GOLGA8B: variants seen among roughly 807,000 people sequenced by gnomAD.
GOLGA8B encodes the protein golgin subfamily A member 8B.
In GOLGA8B, 1 loss-of-function variant was observed where a neutral mutation model predicts 15.6. The observed-to-expected ratio is 0.06, with a 90% CI of 0.02 to 0.30. The LOEUF (loss-of-function observed/expected upper bound fraction) is 0.30, where lower values mean the gene tolerates loss of function less well. GOLGA8B is among the 10% of genes least tolerant of loss of function. The pLI, the probability that GOLGA8B is intolerant of heterozygous loss-of-function variation, is 1.00. For synonymous variants in GOLGA8B, 9 were observed against 80.3 expected, an observed-to-expected ratio of 0.11 and a Z score of 4.75; for missense variants, 17 against 201.3, an observed-to-expected ratio of 0.08 and a Z score of 5.54.
rs200346560 is a variant in GOLGA8B, at chr15:34,527,806, G to A, written c.1638C>T (p.Ser546=). The change falls in exon 24 of 24, where the codon AGC becomes AGT. Residue 546 remains serine (S), a synonymous_variant. Transcript: ENST00000683415. ...GDLCEASLTN[S]VEPAQGEARE... ...TGGCTTCTCCTTGTGCAGGCTCCACGCTGTTGGTGAGGCTCGCCTCACAAA... is the reference window on the plus strand; with the variant it reads ...TGGCTTCTCCTTGTGCAGGCTCCACACTGTTGGTGAGGCTCGCCTCACAAA... 8.2e-4 allele frequency: 1,274 copies of A among 1,561,990 alleles called. 27 individuals are homozygous for A. The African/African-American group carries it at 0.018, about 22-fold the overall frequency.
chr15:34,576,505 C>T (rs1459841121), intron 1 of GOLGA8B, among the ~76,000 whole-genome samples: 1 of 152,222 alleles, frequency 6.6e-6, no homozygotes, highest in Non-Finnish European at 1.5e-5. Context: ...ATCCCACCTG[C>T]AAAACGATGA....
intron 1 of GOLGA8B, among the ~76,000 whole-genome samples, chr15:34,563,912 T>C (rs970411546): frequency 1.4e-5 from 2 of 142,376 alleles, no homozygotes; most frequent in Admixed American, 1.4e-4. Flanking sequence ...AATAAGATTA[T>C]AGTTTTGTTT....
At chr15:34,566,592 T>C (rs1187871268) in intron 1 of GOLGA8B, 1 of 144,120 alleles carries the variant, frequency 6.9e-6, no homozygotes, top group Non-Finnish European at 1.6e-5. Context: ...GCAGGGAAGA[T>C]GGCCCAAGCC....
chr15:34,570,632 G>A (rs1250864853), intron 1 of GOLGA8B, among the ~76,000 whole-genome samples: 1 of 125,806 alleles, frequency 7.9e-6, no homozygotes, highest in African/African-American at 2.8e-5. Context: ...AAGAAAGGTC[G>A]ACGATGGCAA....
chr15:34,575,225 G>A (rs1482884074), intron 1 of GOLGA8B, among the ~76,000 whole-genome samples: 1 of 151,680 alleles, frequency 6.6e-6, no homozygotes, highest in Non-Finnish European at 1.5e-5. Context: ...TCCACATGAC[G>A]CTGGCGGTGC....
In GOLGA8B at chr15:34,526,677, C is replaced by T. The variant is rs1888063783; in HGVS notation, c.*955G>A. 1 of 149,308 alleles carries T rather than the reference C, an allele frequency of 6.7e-6. No homozygotes were observed. The allele number at this position is 149,308 out of a possible 1,614,324, so 9.2% of individuals were successfully genotyped here. A position where few individuals can be genotyped will look rare whatever the true frequency, so the allele number is the denominator to read the frequency against. ...ACCAGCGCCCTTTCGTGTACTGGGA[C>T]AGGTAGTCATGTGATTAAAACAGGG... On this transcript the variant is annotated 3_prime_UTR_variant, in exon 24 of 24. Transcript: ENST00000683415.
intron 1 of GOLGA8B, among the ~76,000 whole-genome samples, chr15:34,571,448 C>G (rs201270407): frequency 6.6e-6 from 1 of 151,528 alleles, no homozygotes; most frequent in Non-Finnish European, 1.5e-5. Flanking sequence ...CAAAAGCCAC[C>G]GTAACTTACA....
chr15:34,579,542 A>G (rs4924042), intron 1 of GOLGA8B, among the ~76,000 whole-genome samples: 2,564 of 152,204 alleles, frequency 0.017, 28 homozygotes, highest in Non-Finnish European at 0.026. Context: ...TCAGTGCACA[A>G]TAAGAAAGCT....
In GOLGA8B at chr15:34,526,289, G is replaced by A. The variant is rs1303137759; in HGVS notation, c.*1343C>T. 6.7e-6 allele frequency: 1 copy of A among 149,750 alleles called. No homozygotes were observed. Among genetic ancestry groups the A allele is most frequent in the Admixed American group, 6.8e-5 (1 of 14,756 alleles). The allele number at this position is 149,750 out of a possible 1,614,324, so 9.3% of individuals were successfully genotyped here. A position where few individuals can be genotyped will look rare whatever the true frequency, so the allele number is the denominator to read the frequency against. On this transcript the variant is annotated 3_prime_UTR_variant, in exon 24 of 24. Coordinates refer to ENST00000683415, the MANE Select transcript of GOLGA8B (RefSeq NM_001023567.5). ...CATAAACTTCTCCTTGATTTTCAAA[G>A]ATAATATAATACTGTCTACTAAAAT...
In GOLGA8B at chr15:34,565,175, G is replaced by A. The variant is rs574692447; in HGVS notation, c.-1122-11219C>T. 5.4e-5 allele frequency among the ~76,000 whole-genome samples: 7 copies of A among 130,084 alleles called. 1 individual carries two copies. The highest frequency in any genetic ancestry group is 1.6e-4 in the Admixed American group (2 of 12,758). The allele number at this position is 130,084 out of a possible 152,430, so 85.3% of individuals were successfully genotyped here. A position where few individuals can be genotyped will look rare whatever the true frequency, so the allele number is the denominator to read the frequency against. On this transcript the variant is annotated intron_variant, in intron 1 of 23. Transcript: ENST00000683415. The stretch of plus-strand genomic sequence containing the variant: ...TTTGAGACGGAGTCTCACTCTTGTC[G>A]CCCAGGCTGGAGTGCAATGGTGTGA...
chr15:34,581,913 C>G (rs1482569918), intron 1 of GOLGA8B, among the ~76,000 whole-genome samples: 1 of 152,178 alleles, frequency 6.6e-6, no homozygotes, highest in African/African-American at 2.4e-5. Context: ...CAAGGGCCCC[C>G]CAACAGTACT....
chr15:34,576,393 C>T (rs1024194535), intron 1 of GOLGA8B, among the ~76,000 whole-genome samples: 2 of 152,150 alleles, frequency 1.3e-5, no homozygotes, highest in African/African-American at 4.8e-5. Context: ...CTGCGAAAGC[C>T]CAAGGGAAAG....
intron 1 of GOLGA8B, among the ~76,000 whole-genome samples, chr15:34,567,690 A>T (rs1206465860): frequency 2.0e-5 from 3 of 151,900 alleles, no homozygotes; most frequent in Non-Finnish European, 4.4e-5. Flanking sequence ...TTCCTCAGTG[A>T]TACCCAGGAA....
chr15:34,569,379 C>T (rs573148422), intron 1 of GOLGA8B, among the ~76,000 whole-genome samples: 21 of 152,114 alleles, frequency 1.4e-4, no homozygotes, highest in Middle Eastern at 3.4e-3. Flanking sequence ...CATCACACTT[C>T]GGACCTTCCT....
intron 1 of GOLGA8B, among the ~76,000 whole-genome samples, chr15:34,567,691 T>C (rs28571979): frequency 0.34 from 51,335 of 150,524 alleles, 7,179 homozygotes; most frequent in Admixed American, 0.41. Context: ...TCCTCAGTGA[T>C]ACCCAGGAAA....
In GOLGA8B at chr15:34,525,577, ATAT is replaced by A. The variant is rs776269741; in HGVS notation, c.*2052_*2054del. 6.7e-6 allele frequency: 1 copy of A among 149,864 alleles called. No individual in the cohort carries two copies. The highest frequency in any genetic ancestry group is 1.5e-5 in the Non-Finnish European group (1 of 67,284). 9.3% of individuals were successfully genotyped at this position (149,864 alleles called of 1,614,324 possible). On this transcript the variant is annotated 3_prime_UTR_variant, in exon 24 of 24. Transcript: ENST00000683415. ...ATAGCAGTTACACTTTTAAATATTT[ATAT>A]TATTTTAAAATGACTCTTTAGGATA...
chr15:34,579,046 G>A (rs374774610), intron 1 of GOLGA8B, among the ~76,000 whole-genome samples: 1 of 151,902 alleles, frequency 6.6e-6, no homozygotes, highest in African/African-American at 2.4e-5. Flanking sequence ...GTTCAATATC[G>A]CATCTCGTCT....
intron 4 of GOLGA8B, among the ~76,000 whole-genome samples, chr15:34,548,744 T>TC (rs1888342778): frequency 3.5e-5 from 1 of 28,218 alleles, no homozygotes; most frequent in Non-Finnish European, 6.9e-5. Context: ...ATGACTCCCA[T>TC]CCCCCACTCC....
In GOLGA8B at chr15:34,583,647, T is replaced by G. The variant is rs1264599101; in HGVS notation, c.-1254A>C. The G allele has an allele frequency of 6.6e-6, 1 of 152,040 alleles. No homozygotes were observed. Among genetic ancestry groups the G allele is most frequent in the Non-Finnish European group, 1.5e-5 (1 of 68,006 alleles). The allele number at this position is 152,040 out of a possible 1,614,324, so 9.4% of individuals were successfully genotyped here. The stretch of plus-strand genomic sequence containing the variant: ...CGCGACTGCTAATTAGCCCGGAAGC[T>G]GAATAGCGGCGGGTACATACCGCAA... On this transcript the variant is annotated 5_prime_UTR_variant, in exon 1 of 24. Transcript: ENST00000683415.
Sources: allele counts gnomAD v4.1 joint callset (sites outside exome capture counted in the v4.1 genomes callset), GRCh38; gene constraint gnomAD v4.1.1; transcripts MANE v1.5; gene names NCBI Gene and HGNC (gene_info 2026-07-23, HGNC 2026-07-21).